Variants in STPG2 observed in about 807,000 individuals in gnomAD.
The protein encoded by STPG2 is sperm-tail PG-rich repeat-containing protein 2.
STPG2 carries 56 observed loss-of-function variants against 54.2 expected under a neutral mutation model. That is an observed-to-expected ratio of 1.03 (90% CI 0.83 to 1.29). STPG2 has a LOEUF of 1.29. STPG2 is among the 50% of genes most tolerant of loss of function. The pLI, the probability that STPG2 is intolerant of heterozygous loss-of-function variation, is 0.00. For synonymous variants in STPG2, 200 were observed against 181.8 expected (o/e 1.10, Z -0.81); for missense variants, 596 against 544.9 (o/e 1.09, Z -0.93).
intron 8 of STPG2, among the ~76,000 whole-genome samples, chr4:97,886,192 A>G (rs1730562560): frequency 6.6e-6 from 1 of 152,208 alleles, no homozygotes; most frequent in Non-Finnish European, 1.5e-5. Flanking sequence ...TAGAGTGGCA[A>G]AATCGAAGTG....
intron 4 of STPG2, among the ~76,000 whole-genome samples, chr4:97,520,152 AT>A (rs1731152336): frequency 6.6e-6 from 1 of 152,046 alleles, no homozygotes; most frequent in Admixed American, 6.6e-5. Context: ...TGGTTATGGT[AT>A]TTCCAGCCAC....
intron 10 of STPG2, among the ~76,000 whole-genome samples, chr4:97,698,328 C>T (rs74601403): frequency 0.018 from 2,686 of 152,276 alleles, 76 homozygotes; most frequent in African/African-American, 0.061. Context: ...TCCATCCATA[C>T]TCTTCCTTAC....
chr4:98,120,444 G>A (rs950669923), intron 3 of STPG2, among the ~76,000 whole-genome samples: 13 of 151,982 alleles, frequency 8.6e-5, no homozygotes, highest in African/African-American at 2.7e-4. Context: ...AAGATTGCTG[G>A]GTCAAGTGGT....
At chr4:97,472,583 T>C (rs1161529640) in intron 4 of STPG2, among the ~76,000 whole-genome samples, 3 of 152,210 alleles carry the variant, frequency 2.0e-5, no homozygotes, top group Non-Finnish European at 4.4e-5. Context: ...AAGATGTCTT[T>C]CAGTAGATAA....
chr4:97,645,802 A>G (rs1430550866), intron 10 of STPG2, among the ~76,000 whole-genome samples: 13 of 152,116 alleles, frequency 8.5e-5, no homozygotes, highest in Admixed American at 8.5e-4. Flanking sequence ...CTAACTGCAT[A>G]GGTTGTTTAT....
Position 98,073,391 on chromosome 4 carries a change from A to G in STPG2, c.612+32562T>C, listed in dbSNP as rs146954597. ...TACTCAAAATATCACAGCAGTGTTC[A>G]TAACATTGATAATTCAATAAATAAT... On this transcript the variant is annotated intron_variant, in intron 5 of 10. Coordinates refer to ENST00000295268, the MANE Select transcript of STPG2 (RefSeq NM_174952.3). Among the ~76,000 whole-genome samples, 759 of 151,958 alleles carry G rather than the reference A, an allele frequency of 5.0e-3. 9 individuals carry two copies. The highest frequency in any genetic ancestry group is 0.017 in the African/African-American group (714 of 41,362).
At chr4:97,801,123 T>G (rs1021791416) in intron 9 of STPG2, among the ~76,000 whole-genome samples, 1 of 152,206 alleles carries the variant, frequency 6.6e-6, no homozygotes, top group Admixed American at 6.5e-5. Context: ...TGACCCCTTG[T>G]GCTTCCCGGG....
At chr4:97,746,761 C>G (rs1311064838) in intron 9 of STPG2, among the ~76,000 whole-genome samples, 1 of 151,202 alleles carries the variant, frequency 6.6e-6, no homozygotes, top group Non-Finnish European at 1.5e-5. Flanking sequence ...GCAAAGGGAA[C>G]AGCAGATTCA....
intron 10 of STPG2, among the ~76,000 whole-genome samples, chr4:97,579,839 T>A (rs910719151): frequency 3.9e-5 from 6 of 151,980 alleles, no homozygotes; most frequent in Non-Finnish European, 8.8e-5. Context: ...CCAATTATAT[T>A]TTACAATTGA....
At chr4:97,697,929 C>G (rs995575315) in intron 10 of STPG2, among the ~76,000 whole-genome samples, 1 of 152,186 alleles carries the variant, frequency 6.6e-6, no homozygotes, top group African/African-American at 2.4e-5. Context: ...TTTAGTTAAT[C>G]TATAATCTAT....
chr4:98,036,664 G>A lies in STPG2; in HGVS notation c.613-55346C>T, dbSNP rs375209414. Among the ~76,000 whole-genome samples the A allele has an allele frequency of 5.3e-5, 8 of 151,446 alleles. No individual in the cohort carries two copies. In the East Asian group the frequency reaches 1.2e-3, roughly 22 times the overall value. ...TACTGAGGTCTTTCAGAGGGTGGAG[G>A]GTGGGAAGAGGGAGAGGATGAGAAA... On this transcript the variant is annotated intron_variant, in intron 5 of 10. Coordinates refer to ENST00000295268, the MANE Select transcript of STPG2 (RefSeq NM_174952.3).
intron 10 of STPG2, among the ~76,000 whole-genome samples, chr4:97,649,716 A>G (rs1382964756): frequency 6.6e-6 from 1 of 152,054 alleles, no homozygotes; most frequent in Admixed American, 6.6e-5. Flanking sequence ...GTTGTAACAG[A>G]CCAGTTCAAT....
At chr4:97,612,029 A>T (rs905816750) in intron 10 of STPG2, among the ~76,000 whole-genome samples, 2 of 151,892 alleles carry the variant, frequency 1.3e-5, no homozygotes, top group African/African-American at 4.8e-5. Context: ...GCAAAACATA[A>T]GATTACAAAT....
At chr4:97,509,244 C>T (rs546687347) in intron 4 of STPG2, among the ~76,000 whole-genome samples, 4 of 151,288 alleles carry the variant, frequency 2.6e-5, no homozygotes, top group Non-Finnish European at 5.9e-5. Flanking sequence ...TTTTTTTTTC[C>T]CCAGAATTCT....
chr4:97,849,462 C>G (rs956239192), intron 8 of STPG2, among the ~76,000 whole-genome samples: 1 of 151,914 alleles, frequency 6.6e-6, no homozygotes, highest in African/African-American at 2.4e-5. Flanking sequence ...GTGAAAGAAA[C>G]TACCATCAGA....
chr4:97,978,901 G>A (rs930308313), intron 6 of STPG2, among the ~76,000 whole-genome samples: 2 of 152,044 alleles, frequency 1.3e-5, no homozygotes, highest in African/African-American at 4.8e-5. Context: ...TTCTCAAAAA[G>A]GGGCCTTAAG....
chr4:97,576,262 T>A (rs1413267602), intron 10 of STPG2, among the ~76,000 whole-genome samples: 2 of 145,268 alleles, frequency 1.4e-5, no homozygotes, highest in Non-Finnish European at 1.5e-5. Context: ...AAAAAAACTA[T>A]ACTAATATAT....
chr4:97,813,123 C>T (rs375185863), intron 9 of STPG2, among the ~76,000 whole-genome samples: 1 of 152,238 alleles, frequency 6.6e-6, no homozygotes, highest in East Asian at 1.9e-4. Context: ...CCTATCTTTT[C>T]TGCACTAGTC....
chr4:97,931,759 C>CT (rs1732555698), intron 8 of STPG2, among the ~76,000 whole-genome samples: 2 of 151,938 alleles, frequency 1.3e-5, no homozygotes. Context: ...GTCTCATAGA[C>CT]TGAGTTAGGA....
Sources: allele counts gnomAD v4.1 joint callset (sites outside exome capture counted in the v4.1 genomes callset), GRCh38; gene constraint gnomAD v4.1.1; transcripts MANE v1.5; gene names NCBI Gene and HGNC (gene_info 2026-07-23, HGNC 2026-07-21).